The following DIAPH2 variants were observed in gnomAD, a reference collection of about 807,000 sequenced individuals.
DIAPH2 encodes diaphanous related formin 2.
Under a neutral mutation model 92.7 loss-of-function variants are expected in DIAPH2, and 35 were observed. That is an observed-to-expected ratio of 0.38 (90% CI 0.29 to 0.50). The LOEUF (loss-of-function observed/expected upper bound fraction) is 0.50. Ranked by LOEUF, DIAPH2 falls within the 20% of genes least tolerant of loss-of-function variation. DIAPH2 has a pLI of 0.94. For synonymous variants in DIAPH2, 301 were observed against 280.4 expected, an observed-to-expected ratio of 1.07 and a Z score of -0.73; for missense variants, 701 against 819.5, an observed-to-expected ratio of 0.86 and a Z score of 1.77.
At chrX:97,311,741 T>C (rs977557771) in intron 23 of DIAPH2, among the ~76,000 whole-genome samples, 3 of 111,590 alleles carry the variant, frequency 2.7e-5, no homozygotes, top group Non-Finnish European at 5.6e-5. Context: ...TCCTAAACCA[T>C]AATCCCTGGC....
intron 26 of DIAPH2, chrX:97,469,752 AGTGCTGTTTTAAACAGGATT>A (rs764876158): frequency 3.3e-6 from 4 of 1,204,686 alleles, no homozygotes; most frequent in Non-Finnish European, 3.4e-6. Flanking sequence ...AAACGGCCTG[AGTGCTGTTTTAAACAGGATT>A]GGGTGATGGT....
chrX:97,212,848 C>CT (rs2067852453), intron 22 of DIAPH2, among the ~76,000 whole-genome samples: 1 of 111,112 alleles, frequency 9.0e-6, no homozygotes, highest in South Asian at 3.7e-4. Context: ...AAAAACCGTG[C>CT]TTTTTGCATA....
chrX:97,021,484 C>T (rs2066297621), intron 17 of DIAPH2, among the ~76,000 whole-genome samples: 1 of 111,972 alleles, frequency 8.9e-6, no homozygotes. Flanking sequence ...AGGCGTGAGC[C>T]ACCAGCAAGA....
intron 3 of DIAPH2, among the ~76,000 whole-genome samples, chrX:96,742,315 C>T (rs2064124823): frequency 8.9e-6 from 1 of 111,893 alleles, no homozygotes; most frequent in Admixed American, 9.5e-5. Flanking sequence ...GAAGTCTCAG[C>T]TGGACCACTA....
At chrX:96,797,544 C>G (rs970887254) in intron 4 of DIAPH2, among the ~76,000 whole-genome samples, 11 of 112,034 alleles carry the variant, frequency 9.8e-5, no homozygotes, top group Non-Finnish European at 2.1e-4. Context: ...ATAGATACTT[C>G]TGCTTCTGTG....
intron 26 of DIAPH2, among the ~76,000 whole-genome samples, chrX:97,537,572 A>G (rs2071106028): frequency 8.9e-6 from 1 of 111,758 alleles, no homozygotes. Flanking sequence ...ACTGGCTTCT[A>G]ACAATAGAAG....
At chrX:97,264,423 A>G (rs1353027247) in intron 23 of DIAPH2, among the ~76,000 whole-genome samples, 2 of 110,412 alleles carry the variant, frequency 1.8e-5, no homozygotes, top group Admixed American at 9.7e-5. Flanking sequence ...ATACTCATGC[A>G]TAGACACACA....
intron 26 of DIAPH2, among the ~76,000 whole-genome samples, chrX:97,580,989 T>C (rs1223854286): frequency 1.0e-5 from 1 of 95,249 alleles, no homozygotes; most frequent in Non-Finnish European, 2.1e-5. Context: ...GATGGTAGTT[T>C]GTATTTCTGT....
intron 26 of DIAPH2, among the ~76,000 whole-genome samples, chrX:97,525,789 T>C (rs2071020640): frequency 8.9e-6 from 1 of 112,190 alleles, no homozygotes; most frequent in Non-Finnish European, 1.9e-5. Context: ...AGCCCACATG[T>C]AGTCTCATAT....
At chrX:96,746,588 G>A (rs778749373) in intron 3 of DIAPH2, among the ~76,000 whole-genome samples, 74 of 109,893 alleles carry the variant, frequency 6.7e-4, no homozygotes, top group South Asian at 1.2e-3. Context: ...GAGTCTTGCT[G>A]TGTCCATTAG....
intron 22 of DIAPH2, among the ~76,000 whole-genome samples, chrX:97,196,585 G>A (rs1045744799): frequency 9.0e-6 from 1 of 110,870 alleles, no homozygotes; most frequent in Non-Finnish European, 1.9e-5. Context: ...CTGGAAGTTT[G>A]TTAAAGAAAA....
At chrX:97,036,787 G>GT (rs2066413553) in intron 17 of DIAPH2, among the ~76,000 whole-genome samples, 1 of 111,999 alleles carries the variant, frequency 8.9e-6, no homozygotes, top group African/African-American at 3.2e-5. Context: ...AATTCTTTGT[G>GT]TGACTGCTCT....
intron 1 of DIAPH2, 45 bp from the exon 2 acceptor site, chrX:96,735,712 CT>C: frequency 1.3e-6 from 1 of 755,675 alleles, no homozygotes; most frequent in Non-Finnish European, 2.0e-6. Context: ...ATGAGTTTCT[CT>C]TATCTGATGG....
chrX:97,464,418 A>T (rs2070491784), intron 26 of DIAPH2, among the ~76,000 whole-genome samples: 1 of 109,398 alleles, frequency 9.1e-6, no homozygotes, highest in Admixed American at 9.8e-5. Context: ...CGGAGCTTGC[A>T]GTGAGCCCAG....
intron 26 of DIAPH2, among the ~76,000 whole-genome samples, chrX:97,486,223 G>A (rs2070687617): frequency 9.0e-6 from 1 of 111,362 alleles, no homozygotes; most frequent in Non-Finnish European, 1.9e-5. Context: ...CATAACTTAA[G>A]CAAATGAGTA....
chrX:97,483,376 A>G (rs1176746960), intron 26 of DIAPH2, among the ~76,000 whole-genome samples: 1 of 103,366 alleles, frequency 9.7e-6, no homozygotes, highest in Admixed American at 1.1e-4. Context: ...TTAGGAAACT[A>G]AAGTGCCAGT....
intron 3 of DIAPH2, among the ~76,000 whole-genome samples, chrX:96,748,059 T>C (rs901132572): frequency 5.4e-5 from 6 of 112,068 alleles, no homozygotes; most frequent in African/African-American, 1.9e-4. Context: ...GGAGCAAAAC[T>C]TACCCAGTAA....
At chrX:97,397,960 A>T (rs761164857) in intron 25 of DIAPH2, among the ~76,000 whole-genome samples, 2 of 112,555 alleles carry the variant, frequency 1.8e-5, no homozygotes, top group Non-Finnish European at 3.8e-5. Flanking sequence ...TTTGCTAGAC[A>T]GGAGTAGCTG....
At chrX:96,863,907 CA>C (rs1193250747) in intron 4 of DIAPH2, among the ~76,000 whole-genome samples, 1 of 110,486 alleles carries the variant, frequency 9.1e-6, no homozygotes. Flanking sequence ...CTTAAAAATA[CA>C]AAAAATTAGC....
Sources: gnomAD v4.1 joint callset for allele counts (sites outside exome capture counted in the v4.1 genomes callset) on GRCh38, gnomAD v4.1.1 for gene constraint, MANE v1.5 for transcripts, NCBI Gene and HGNC (gene_info 2026-07-23, HGNC 2026-07-21) for gene names.